The following ANKH variants were observed in gnomAD, a reference collection of about 807,000 sequenced individuals.
ANKH encodes the protein ANKH inorganic pyrophosphate transport regulator.
A neutral mutation model predicts 49.0 loss-of-function variants in ANKH; 15 were observed. That is an observed-to-expected ratio of 0.31 (90% CI 0.20 to 0.47). ANKH has a LOEUF of 0.47. Among genes scored for constraint, ANKH ranks in the 20% least tolerant of loss-of-function variants. The pLI, the probability that ANKH is intolerant of heterozygous loss-of-function variation, is 1.00. For synonymous variants in ANKH, 273 were observed against 260.0 expected, an observed-to-expected ratio of 1.05 and a Z score of -0.48; for missense variants, 429 against 652.0, an observed-to-expected ratio of 0.66 and a Z score of 3.72.
intron 1 of ANKH, among the ~76,000 whole-genome samples, chr5:14,817,256 C>T (rs971835872): frequency 3.3e-5 from 5 of 151,956 alleles, no homozygotes; most frequent in African/African-American, 4.8e-5. Context: ...TGTCTGACCA[C>T]GCGTGAGGCT....
chr5:14,792,011 C>T (rs1740183196), intron 1 of ANKH, among the ~76,000 whole-genome samples: 1 of 152,156 alleles, frequency 6.6e-6, no homozygotes, highest in Admixed American at 6.5e-5. Flanking sequence ...AAAATGGTGG[C>T]TCTGATTCGA....
chr5:14,840,699 T>A (rs781263017), intron 1 of ANKH, among the ~76,000 whole-genome samples: 10 of 152,198 alleles, frequency 6.6e-5, no homozygotes, highest in Non-Finnish European at 1.2e-4. Context: ...ATTTTCAAAT[T>A]ATCTGCTTCA....
rs748842908 is a variant in ANKH at position 14,711,220 on chromosome 5, C to T, written c.1456G>A (p.Glu486Lys). 5.0e-6 allele frequency: 8 copies of T among 1,614,154 alleles called. No individual in the cohort carries two copies. In the Admixed American group the frequency reaches 1.2e-4, roughly 24 times the overall value. The change falls in exon 12 of 12, where the codon GAA (glutamate) becomes AAA (lysine). Residue 486 changes from glutamate to lysine, a missense_variant. Glu to Lys is a moderately conservative substitution (Grantham distance 56). Transcript: ENST00000284268. ...CCTTATTCATTCTCCTCTCTCATTT[C>T]CACGATGTCTGTCACCTCCTCTGTC... is the stretch of plus-strand genomic sequence containing the variant. ...PPTEEVTDIV[E>K]MREENE
intron 1 of ANKH, among the ~76,000 whole-genome samples, chr5:14,814,819 A>G (rs933185988): frequency 1.3e-5 from 2 of 152,196 alleles, no homozygotes; most frequent in African/African-American, 2.4e-5. Flanking sequence ...CTTGGAGTCA[A>G]TCTGGCTTTA....
intron 1 of ANKH, among the ~76,000 whole-genome samples, chr5:14,816,028 T>A (rs542244798): frequency 2.0e-5 from 3 of 152,354 alleles, no homozygotes; most frequent in South Asian, 4.1e-4. Flanking sequence ...CTAAAGACAT[T>A]TTTTGGCATA....
At chr5:14,843,262 G>A (rs1300251045) in intron 1 of ANKH, among the ~76,000 whole-genome samples, 3 of 148,038 alleles carry the variant, frequency 2.0e-5, no homozygotes, top group Non-Finnish European at 3.0e-5. Flanking sequence ...TGCAACCTCC[G>A]CCTCATGGAT....
At chr5:14,849,516 A>G (rs1742066439) in intron 1 of ANKH, among the ~76,000 whole-genome samples, 1 of 152,214 alleles carries the variant, frequency 6.6e-6, no homozygotes, top group Non-Finnish European at 1.5e-5. Context: ...ACTGTTTGCT[A>G]GCTCTTAGAT....
At chr5:14,840,957 T>G (rs1741797780) in intron 1 of ANKH, among the ~76,000 whole-genome samples, 1 of 152,204 alleles carries the variant, frequency 6.6e-6, no homozygotes, top group African/African-American at 2.4e-5. Context: ...TGCCATTTGG[T>G]TTTTTATAAC....
intron 2 of ANKH, 180 bp downstream of exon 2, chr5:14,768,795 A>T: frequency 1.5e-6 from 1 of 681,782 alleles, no homozygotes; most frequent in Non-Finnish European, 2.5e-6. Context: ...TCCCCAGAAA[A>T]AACACATTAT....
In ANKH at chr5:14,844,089, G is replaced by A. The variant is rs1378556952; in HGVS notation, c.96+27263C>T. Among the ~76,000 whole-genome samples the A allele has an allele frequency of 2.6e-5, 4 of 152,274 alleles. No homozygotes were observed. The East Asian group carries it at 7.7e-4, about 29-fold the overall frequency. On this transcript the variant is annotated intron_variant, in intron 1 of 11. Transcript: ENST00000284268. ...CAAATAAGACACTTGGTTGCAGAGA[G>A]AAAAAACTTCATTCTCTGAGTGGCA...
intron 1 of ANKH, among the ~76,000 whole-genome samples, chr5:14,848,113 C>G (rs1301930250): frequency 2.0e-5 from 3 of 152,198 alleles, no homozygotes; most frequent in African/African-American, 7.2e-5. Flanking sequence ...ACACTCCAGC[C>G]TGGCGATGGA....
chr5:14,845,925 A>G (rs1157030789), intron 1 of ANKH, among the ~76,000 whole-genome samples: 1 of 133,596 alleles, frequency 7.5e-6, no homozygotes, highest in Non-Finnish European at 1.5e-5. Context: ...GCGCAATCTC[A>G]GCTCACCACA....
Position 14,853,988 on chromosome 5 carries a change from GAACAC to G in ANKH, c.96+17359_96+17363del, listed in dbSNP as rs551943077. 3.0e-3 allele frequency among the ~76,000 whole-genome samples: 459 copies of G among 152,268 alleles called. 2 individuals carry two copies. Among genetic ancestry groups the G allele is most frequent in the African/African-American group, 0.011 (441 of 41,554 alleles). ...TCCCTCTGTAATGTTATCCTTAGCAGAACACAACGATGATGCAGAGAAATTTGCAT... is the reference window on the plus strand; with the variant it reads ...TCCCTCTGTAATGTTATCCTTAGCAGAACGATGATGCAGAGAAATTTGCAT... On this transcript the variant is annotated intron_variant, in intron 1 of 11. Coordinates refer to ENST00000284268, the MANE Select transcript of ANKH (RefSeq NM_054027.6).
At chr5:14,837,474 A>T (rs1231519321) in intron 1 of ANKH, among the ~76,000 whole-genome samples, 7 of 152,232 alleles carry the variant, frequency 4.6e-5, no homozygotes, top group African/African-American at 1.7e-4. Context: ...GATATGAACA[A>T]ACACTTCTCA....
rs1303897035 is a variant in ANKH at position 14,708,244 on chromosome 5, T to G, written c.*2953A>C. The G allele has an allele frequency of 1.3e-5, 2 of 152,210 alleles. No individual in the cohort carries two copies. The highest frequency in any genetic ancestry group is 4.8e-5 in the African/African-American group (2 of 41,450). The allele number at this position is 152,210 out of a possible 1,614,324, so 9.4% of individuals were successfully genotyped here. The stretch of plus-strand genomic sequence containing the variant: ...AAAACCCTTACTATTTCCTATGCTT[T>G]GAGCTGCCCAAACCTATTATTTCTC... On this transcript the variant is annotated 3_prime_UTR_variant, in exon 12 of 12. Transcript: ENST00000284268.
intron 1 of ANKH, among the ~76,000 whole-genome samples, chr5:14,841,621 A>G (rs899951264): frequency 8.5e-5 from 13 of 152,198 alleles, no homozygotes; most frequent in African/African-American, 1.2e-4. Flanking sequence ...TTAAGTGTGA[A>G]GTTCAGAGGC....
At chr5:14,805,121 T>G (rs1323083906) in intron 1 of ANKH, among the ~76,000 whole-genome samples, 1 of 152,088 alleles carries the variant, frequency 6.6e-6, no homozygotes, top group Non-Finnish European at 1.5e-5. Flanking sequence ...AGACCCACCC[T>G]TAATCTGGTG....
intron 3 of ANKH, among the ~76,000 whole-genome samples, chr5:14,757,956 AC>A (rs1303344235): frequency 6.6e-6 from 1 of 152,186 alleles, no homozygotes; most frequent in Non-Finnish European, 1.5e-5. Context: ...AAAAACAAGG[AC>A]TCAGATATTT....
intron 1 of ANKH, 68 bp from the exon 2 acceptor site, chr5:14,769,259 AAGATGAAATTCAGC>A: frequency 7.5e-7 from 1 of 1,324,714 alleles, no homozygotes; most frequent in East Asian, 2.5e-5. Context: ...TCATACCTCT[AAGATGAAATTCAGC>A]AGATCACGTT....
Sources: allele counts gnomAD v4.1 joint callset (sites outside exome capture counted in the v4.1 genomes callset), GRCh38; gene constraint gnomAD v4.1.1; transcripts MANE v1.5; gene names NCBI Gene and HGNC (gene_info 2026-07-23, HGNC 2026-07-21).